Variants in RABGAP1L observed in about 807,000 individuals in gnomAD.
RABGAP1L encodes rab GTPase-activating protein 1-like.
In RABGAP1L, 63 loss-of-function variants were observed where a neutral mutation model predicts 137.7. The ratio of observed to expected loss-of-function variants is 0.46; its 90% CI spans 0.37 to 0.56. The LOEUF is 0.56. Among genes scored for constraint, RABGAP1L ranks in the 20% least tolerant of loss-of-function variants. The pLI is 0.00. For synonymous variants in RABGAP1L, 431 were observed against 433.7 expected, an observed-to-expected ratio of 0.99 and a Z score of 0.08; for missense variants, 1,095 against 1,244.0, an observed-to-expected ratio of 0.88 and a Z score of 1.80.
intron 9 of RABGAP1L, 56 bp from the exon 10 acceptor site, chr1:174,278,557 T>A: frequency 7.1e-7 from 1 of 1,408,646 alleles, no homozygotes; most frequent in Non-Finnish European, 9.8e-7. Flanking sequence ...AAACTTTGTT[T>A]AAAGTAGACA....
intron 15 of RABGAP1L, among the ~76,000 whole-genome samples, chr1:174,685,412 C>T (rs1325655833): frequency 6.6e-6 from 1 of 151,980 alleles, no homozygotes; most frequent in Non-Finnish European, 1.5e-5. Context: ...GCCACCATGC[C>T]CGGCTAACTT....
chr1:174,544,474 C>T (rs6692173), intron 13 of RABGAP1L, among the ~76,000 whole-genome samples: 2 of 151,954 alleles, frequency 1.3e-5, no homozygotes, highest in Non-Finnish European at 2.9e-5. Context: ...TGTCTATGCT[C>T]TTTATTCTAG....
chr1:174,615,457 C>T (rs1671734702), intron 13 of RABGAP1L, among the ~76,000 whole-genome samples: 1 of 152,202 alleles, frequency 6.6e-6, no homozygotes, highest in South Asian at 2.1e-4. Flanking sequence ...GAGGAGTACC[C>T]TGCCATGTCA....
chr1:174,772,548 A>G (rs1686199446), intron 18 of RABGAP1L, among the ~76,000 whole-genome samples: 2 of 143,856 alleles, frequency 1.4e-5, no homozygotes, highest in Non-Finnish European at 1.5e-5. Context: ...AGCCTGGGCA[A>G]CAGAGCAAGA....
chr1:174,239,355 C>G (rs1558060439), intron 4 of RABGAP1L, among the ~76,000 whole-genome samples: 1 of 152,208 alleles, frequency 6.6e-6, no homozygotes, highest in Non-Finnish European at 1.5e-5. Context: ...TCTTCATTCA[C>G]TACATTCCAG....
intron 19 of RABGAP1L, among the ~76,000 whole-genome samples, chr1:174,925,654 AAAG>A (rs1485477886): frequency 1.3e-5 from 2 of 152,208 alleles, no homozygotes; most frequent in Admixed American, 6.5e-5. Flanking sequence ...TAGAGGAGGA[AAAG>A]AAGAATTGTT....
intron 18 of RABGAP1L, among the ~76,000 whole-genome samples, chr1:174,797,568 G>T (rs1455017378): frequency 8.7e-6 from 1 of 114,576 alleles, no homozygotes; most frequent in Non-Finnish European, 1.8e-5. Flanking sequence ...GGTGTGGGGG[G>T]TGTGATGTGT....
chr1:174,876,522 A>G (rs572876261), intron 19 of RABGAP1L, among the ~76,000 whole-genome samples: 1 of 152,310 alleles, frequency 6.6e-6, no homozygotes. Flanking sequence ...AATGGTGATT[A>G]TGGGCAACTT....
intron 13 of RABGAP1L, among the ~76,000 whole-genome samples, chr1:174,407,688 G>A (rs1276561608): frequency 6.6e-6 from 1 of 152,054 alleles, no homozygotes; most frequent in Non-Finnish European, 1.5e-5. Flanking sequence ...GTGGACATCC[G>A]CAGCTGCAGA....
chr1:174,409,041 T>G (rs749052284), intron 13 of RABGAP1L, among the ~76,000 whole-genome samples: 2 of 152,194 alleles, frequency 1.3e-5, no homozygotes, highest in Non-Finnish European at 2.9e-5. Flanking sequence ...TAGTTTCTTT[T>G]CCTGTGCAGA....
At chr1:174,739,819 T>G (rs574377851) in intron 17 of RABGAP1L, among the ~76,000 whole-genome samples, 1 of 152,350 alleles carries the variant, frequency 6.6e-6, no homozygotes, top group South Asian at 2.1e-4. Context: ...TTTTTACAGT[T>G]GAATGAAACT....
intron 24 of RABGAP1L, among the ~76,000 whole-genome samples, chr1:174,983,219 C>T (rs929334510): frequency 6.6e-6 from 1 of 152,162 alleles, no homozygotes; most frequent in Non-Finnish European, 1.5e-5. Context: ...CAGCCCACAT[C>T]TGACTGAGCC....
intron 15 of RABGAP1L, among the ~76,000 whole-genome samples, chr1:174,693,444 C>A (rs1679018540): frequency 6.6e-6 from 1 of 152,132 alleles, no homozygotes; most frequent in Non-Finnish European, 1.5e-5. Context: ...AATAAGTACT[C>A]AAAATTCATC....
In RABGAP1L at chr1:174,658,243, A is replaced by C. The variant is rs531829258; in HGVS notation, c.1824+20755A>C. On this transcript the variant is annotated intron_variant, in intron 14 of 25. Transcript: ENST00000681986. Reference sequence around the variant, plus strand: ...AGTTCTGAAAAAGTTGATTCTGATTATTTTTGTGATATTTCCTGCTATTGT... The same window carrying C: ...AGTTCTGAAAAAGTTGATTCTGATTCTTTTTGTGATATTTCCTGCTATTGT... Among the ~76,000 whole-genome samples the C allele has an allele frequency of 2.0e-5, 3 of 152,242 alleles. No individual in the cohort carries two copies. The East Asian group carries it at 5.8e-4, about 29-fold the overall frequency.
chr1:174,834,790 G>A (rs1333845508), intron 19 of RABGAP1L, among the ~76,000 whole-genome samples: 2 of 152,124 alleles, frequency 1.3e-5, no homozygotes, highest in East Asian at 1.9e-4. Flanking sequence ...ATATTGCAAG[G>A]CCCTCAGTAA....
At chr1:174,193,302 C>T (rs1300666086) in intron 1 of RABGAP1L, among the ~76,000 whole-genome samples, 3 of 152,190 alleles carry the variant, frequency 2.0e-5, no homozygotes, top group Non-Finnish European at 4.4e-5. Context: ...AATGCCCAGG[C>T]GGGCAGATCA....
At chr1:174,636,685 A>G (rs1674071339) in intron 13 of RABGAP1L, among the ~76,000 whole-genome samples, 1 of 152,192 alleles carries the variant, frequency 6.6e-6, no homozygotes, top group Admixed American at 6.5e-5. Context: ...AGATTTAAAA[A>G]TTAGATAATT....
At chr1:174,634,497 C>G (rs1386789209) in intron 13 of RABGAP1L, among the ~76,000 whole-genome samples, 6 of 142,416 alleles carry the variant, frequency 4.2e-5, no homozygotes, top group Non-Finnish European at 9.1e-5. Context: ...GGATCTAGAA[C>G]TAGAAATACC....
At position 174,772,036 on chromosome 1, in the gene RABGAP1L, A is replaced by G. The variant is rs545378042; in HGVS notation, c.2211+19682A>G. On this transcript the variant is annotated intron_variant, in intron 18 of 25. Transcript: ENST00000681986. ...AAGATGGTGAAACCCCATCTCTACT[A>G]AAAATACAAAAAATTAGCCGGGCCT... 2.0e-5 allele frequency among the ~76,000 whole-genome samples: 3 copies of G among 152,038 alleles called. No homozygotes were observed. In the East Asian group the frequency reaches 5.9e-4, roughly 30 times the overall value.
Sources: gnomAD v4.1 joint callset for allele counts (sites outside exome capture counted in the v4.1 genomes callset) on GRCh38, gnomAD v4.1.1 for gene constraint, MANE v1.5 for transcripts, NCBI Gene and HGNC (gene_info 2026-07-23, HGNC 2026-07-21) for gene names.